The following EIF4G3 variants were observed in gnomAD, a reference collection of about 807,000 sequenced individuals.
The protein encoded by EIF4G3 is eIF-4-gamma 3.
EIF4G3 carries 34 observed loss-of-function variants against 186.4 expected under a neutral mutation model. The observed-to-expected ratio is 0.18, with a 90% confidence interval of 0.14 to 0.24. The LOEUF is 0.24. EIF4G3 is among the 10% of genes least tolerant of loss of function. EIF4G3 has a pLI of 1.00. For missense variants in EIF4G3, 1,536 were observed against 1,948.5 expected (o/e 0.79, Z 3.99); for synonymous variants, 673 against 679.5 (o/e 0.99, Z 0.15).
At chr1:20,851,515 A>G in intron 27 of EIF4G3, 37 bp from the exon 28 acceptor site, 1 of 1,591,506 alleles carries the variant, frequency 6.3e-7, no homozygotes, top group Non-Finnish European at 8.6e-7. Context: ...AAGGAAAGAC[A>G]AGCCCATGTC....
intron 1 of EIF4G3, among the ~76,000 whole-genome samples, 168 bp from the exon 2 acceptor site, chr1:21,176,526 GGGA>G (rs938905052): frequency 2.8e-5 from 4 of 140,652 alleles, no homozygotes; most frequent in South Asian, 2.2e-4. Flanking sequence ...GGAGCCTGGG[GGGA>G]GGAGGAGGAG....
intron 17 of EIF4G3, among the ~76,000 whole-genome samples, chr1:20,894,763 A>G (rs190464431): frequency 1.4e-4 from 22 of 152,246 alleles, no homozygotes; most frequent in Non-Finnish European, 8.8e-5. Flanking sequence ...AAATTACTTT[A>G]GTAGATCTGA....
At chr1:21,050,803 GA>G in intron 4 of EIF4G3, 62 bp downstream of exon 4, 1 of 661,052 alleles carries the variant, frequency 1.5e-6, no homozygotes, top group East Asian at 2.8e-5. Flanking sequence ...AGTCTCTTTA[GA>G]AAAACAAAAA....
chr1:20,827,740 T>G, intron 31 of EIF4G3, 42 bp from the exon 32 acceptor site: 3 of 1,361,836 alleles, frequency 2.2e-6, no homozygotes, highest in Non-Finnish European at 3.1e-6. Flanking sequence ...TCTAAAGAAA[T>G]CCTTTCTTCT....
At chr1:21,071,394 C>A (rs1322397047) in intron 3 of EIF4G3, among the ~76,000 whole-genome samples, 1 of 152,052 alleles carries the variant, frequency 6.6e-6, no homozygotes, top group African/African-American at 2.4e-5. Context: ...CCAGCCTGGA[C>A]AACAGGGTGA....
chr1:21,039,413 G>A (rs1324962019), intron 4 of EIF4G3, among the ~76,000 whole-genome samples: 3 of 152,200 alleles, frequency 2.0e-5, no homozygotes, highest in African/African-American at 4.8e-5. Flanking sequence ...AACATAGGGG[G>A]AAACTTTCAG....
chr1:21,062,669 A>C (rs747437539), intron 3 of EIF4G3, among the ~76,000 whole-genome samples: 3 of 152,136 alleles, frequency 2.0e-5, no homozygotes, highest in Non-Finnish European at 4.4e-5. Context: ...GGCTCACTGC[A>C]ACCACTGCCT....
intron 2 of EIF4G3, chr1:21,111,408 C>T (rs2096723607): frequency 2.1e-6 from 1 of 471,408 alleles, no homozygotes; most frequent in East Asian, 6.9e-5. Context: ...CAAAATAAGG[C>T]TTATGATGGG....
chr1:21,097,765 C>T (rs2096410017), intron 2 of EIF4G3, among the ~76,000 whole-genome samples: 1 of 152,070 alleles, frequency 6.6e-6, no homozygotes, highest in African/African-American at 2.4e-5. Flanking sequence ...CATATGCAAA[C>T]CAATGACACT....
chr1:20,871,009 G>A (rs1166476093), intron 20 of EIF4G3, among the ~76,000 whole-genome samples: 1 of 152,180 alleles, frequency 6.6e-6, no homozygotes, highest in Non-Finnish European at 1.5e-5. Flanking sequence ...ACAGAGCAAC[G>A]AGGGAAAGCT....
chr1:21,072,560 C>T (rs1417115122), intron 3 of EIF4G3, among the ~76,000 whole-genome samples: 1 of 152,028 alleles, frequency 6.6e-6, no homozygotes, highest in African/African-American at 2.4e-5. Context: ...CCTGCCACCA[C>T]GCCCGGCTAA....
chr1:20,848,056 C>G (rs1331865133), intron 29 of EIF4G3: 1 of 326,036 alleles, frequency 3.1e-6, no homozygotes, highest in Non-Finnish European at 5.9e-6. Context: ...ACCTCTGCCT[C>G]CCGGGCTTCA....
At chr1:20,901,699 G>A (rs2090342161) in intron 15 of EIF4G3, among the ~76,000 whole-genome samples, 1 of 152,004 alleles carries the variant, frequency 6.6e-6, no homozygotes, top group Non-Finnish European at 1.5e-5. Flanking sequence ...TTACTATGAG[G>A]GGTATTTGAA....
At chr1:20,978,740 C>A (rs941716165) in intron 10 of EIF4G3, among the ~76,000 whole-genome samples, 2 of 150,806 alleles carry the variant, frequency 1.3e-5, no homozygotes, top group African/African-American at 4.9e-5. Flanking sequence ...CAGATGCCCA[C>A]TGGGGGTCTT....
intron 3 of EIF4G3, chr1:21,073,839 C>G (rs2095510840): frequency 3.2e-6 from 1 of 309,966 alleles, no homozygotes; most frequent in Non-Finnish European, 6.6e-6. Flanking sequence ...CAGGTTTTCA[C>G]TTTGTTGTCC....
intron 2 of EIF4G3, among the ~76,000 whole-genome samples, chr1:21,140,917 C>T (rs147909024): frequency 1.3e-5 from 2 of 152,150 alleles, no homozygotes; most frequent in African/African-American, 4.8e-5. Context: ...GGAAAAATAA[C>T]GTGTTCTAAA....
intron 2 of EIF4G3, among the ~76,000 whole-genome samples, chr1:21,149,259 T>C (rs552728365): frequency 6.6e-6 from 1 of 152,334 alleles, no homozygotes; most frequent in South Asian, 2.1e-4. Context: ...CAAAAATATG[T>C]ATACATATAT....
intron 4 of EIF4G3, among the ~76,000 whole-genome samples, chr1:21,029,037 T>C (rs2092465245): frequency 6.6e-6 from 1 of 151,550 alleles, no homozygotes; most frequent in Non-Finnish European, 1.5e-5. Context: ...CTTGAGCCAA[T>C]GCGCCTGGCC....
chr1:21,091,084 T>G (rs6691824), intron 2 of EIF4G3, among the ~76,000 whole-genome samples: 50,941 of 152,086 alleles, frequency 0.33, 9,261 homozygotes, highest in Non-Finnish European at 0.41. Context: ...CCGAACAGGA[T>G]TTCTCAAAAC....
Sources: gnomAD v4.1 joint callset for allele counts (sites outside exome capture counted in the v4.1 genomes callset) on GRCh38, gnomAD v4.1.1 for gene constraint, MANE v1.5 for transcripts, NCBI Gene and HGNC (gene_info 2026-07-23, HGNC 2026-07-21) for gene names.